COX10: variants seen among roughly 807,000 people sequenced by gnomAD.
COX10 encodes the protein cytochrome c oxidase assembly factor heme A:farnesyltransferase COX10, also known as protoheme IX farnesyltransferase, mitochondrial.
Under a neutral mutation model 37.3 loss-of-function variants are expected in COX10, and 27 were observed. The ratio of observed to expected loss-of-function variants is 0.72; its 90% CI spans 0.53 to 1.00. COX10 has a LOEUF of 1.00. Ranked by LOEUF, COX10 falls within the 50% of genes least tolerant of loss-of-function variation. COX10 has a pLI of 0.00. For synonymous variants in COX10, 222 were observed against 229.1 expected (o/e 0.97, Z 0.28); for missense variants, 475 against 563.2 (o/e 0.84, Z 1.59).
At chr17:14,173,704 A>T (rs1434805753) in intron 5 of COX10, among the ~76,000 whole-genome samples, 1 of 152,224 alleles carries the variant, frequency 6.6e-6, no homozygotes, top group Non-Finnish European at 1.5e-5. Flanking sequence ...GGAGCTCCTG[A>T]CTAGTATATA....
At chr17:14,188,102 C>CTTTTTTT (rs1157321131) in intron 5 of COX10, among the ~76,000 whole-genome samples, 20 of 123,434 alleles carry the variant, frequency 1.6e-4, no homozygotes, top group East Asian at 4.7e-4. Flanking sequence ...CCTTCTTCTT[C>CTTTTTTT]TTTTTTTTTT....
chr17:14,128,884 G>A (rs532780180), intron 4 of COX10, among the ~76,000 whole-genome samples: 9 of 152,238 alleles, frequency 5.9e-5, no homozygotes, highest in African/African-American at 2.2e-4. Context: ...TTGCTCTGTC[G>A]CGCCCAGGCG....
In COX10 at chr17:14,107,139, AGT is replaced by A. The variant is rs536490403; in HGVS notation, c.624+4900_624+4901del. Among the ~76,000 whole-genome samples, 749 of 152,188 alleles carry A rather than the reference AGT, an allele frequency of 4.9e-3. 5 individuals carry two copies. The highest frequency in any genetic ancestry group is 0.017 in the African/African-American group (721 of 41,520). On this transcript the variant is annotated intron_variant, in intron 4 of 6. Transcript: ENST00000261643. ...CCACCCCCACTTGTGACAGCTGAAA[AGT>A]GTCTTCAGACATCACCAAATGGTCC...
At chr17:14,200,961 A>T (rs1435813415) in intron 6 of COX10, among the ~76,000 whole-genome samples, 1 of 152,184 alleles carries the variant, frequency 6.6e-6, no homozygotes, top group Non-Finnish European at 1.5e-5. Context: ...GCACTAAGTA[A>T]CATTCACCAT....
intron 4 of COX10, among the ~76,000 whole-genome samples, chr17:14,108,762 G>A (rs959554244): frequency 2.0e-5 from 3 of 151,988 alleles, no homozygotes; most frequent in Admixed American, 6.6e-5. Context: ...AACTCTGAAA[G>A]GAAAAACAGG....
At chr17:14,080,776 AT>A in intron 3 of COX10, among the ~76,000 whole-genome samples, 1 of 151,390 alleles carries the variant, frequency 6.6e-6, no homozygotes, top group East Asian at 2.0e-4. Flanking sequence ...CATTACAAAT[AT>A]TTTTTCTCAT....
At chr17:14,170,889 A>G (rs1474892667) in intron 5 of COX10, among the ~76,000 whole-genome samples, 1 of 152,228 alleles carries the variant, frequency 6.6e-6, no homozygotes, top group Non-Finnish European at 1.5e-5. Flanking sequence ...CACTAAAATC[A>G]TGTAAATAAA....
At chr17:14,169,040 G>A (rs541129302) in intron 5 of COX10, among the ~76,000 whole-genome samples, 20 of 152,200 alleles carry the variant, frequency 1.3e-4, no homozygotes, top group Admixed American at 3.9e-4. Context: ...CCTTTTAAAC[G>A]TAAGTTCCAA....
chr17:14,111,041 A>G (rs1311220011), intron 4 of COX10, among the ~76,000 whole-genome samples: 2 of 152,128 alleles, frequency 1.3e-5, no homozygotes, highest in Non-Finnish European at 2.9e-5. Context: ...TGTTATACCT[A>G]TGCTTCTTTA....
Position 14,076,900 on chromosome 17 carries a change from G to C in COX10, c.343G>C (p.Glu115Gln), listed in dbSNP as rs762134356. The C allele has an allele frequency of 6.2e-6, 10 of 1,614,120 alleles. No homozygotes were observed. Among genetic ancestry groups the C allele is most frequent in the Non-Finnish European group, 8.5e-6 (10 of 1,180,020 alleles). Residue 115 changes from glutamate (E) to glutamine (Q), a missense_variant, in exon 3 of 7, where the codon GAA (glutamate) becomes CAA (glutamine). Coordinates refer to ENST00000261643, the MANE Select transcript of COX10 (RefSeq NM_001303.4). ...PSLSLSRKPN[E>Q]KELIELEPDS... is the part of the protein sequence containing the mutation. Reference sequence around the variant, plus strand: ...CCTATCTTTGTCCAGAAAGCCAAATGAAAAGGAATTGATAGAACTAGAGCC... The same window carrying C: ...CCTATCTTTGTCCAGAAAGCCAAATCAAAAGGAATTGATAGAACTAGAGCC...
At chr17:14,170,735 T>C (rs909851632) in intron 5 of COX10, among the ~76,000 whole-genome samples, 1 of 152,156 alleles carries the variant, frequency 6.6e-6, no homozygotes, top group African/African-American at 2.4e-5. Flanking sequence ...GAGGATTGCT[T>C]GAGCCCTGGA....
intron 3 of COX10, among the ~76,000 whole-genome samples, chr17:14,100,699 A>T (rs904561794): frequency 6.6e-6 from 1 of 152,222 alleles, no homozygotes; most frequent in Non-Finnish European, 1.5e-5. Context: ...TTTACATTTT[A>T]TATCAGGTAT....
intron 6 of COX10, among the ~76,000 whole-genome samples, chr17:14,204,996 A>G (rs1022673698): frequency 1.3e-5 from 2 of 151,980 alleles, no homozygotes; most frequent in Non-Finnish European, 2.9e-5. Context: ...AGTGCCAGCT[A>G]TTCAGGAGGC....
intron 4 of COX10, among the ~76,000 whole-genome samples, chr17:14,105,661 C>G: frequency 6.6e-6 from 1 of 152,014 alleles, no homozygotes; most frequent in African/African-American, 2.4e-5. Flanking sequence ...CATTGCATAT[C>G]AGTGAGAAAA....
intron 4 of COX10, among the ~76,000 whole-genome samples, chr17:14,156,617 A>G (rs141805919): frequency 6.6e-6 from 1 of 152,156 alleles, no homozygotes; most frequent in African/African-American, 2.4e-5. Flanking sequence ...GTACTCCAGC[A>G]TTTCATCAAA....
chr17:14,128,547 C>A (rs577944205), intron 4 of COX10, among the ~76,000 whole-genome samples: 1 of 152,080 alleles, frequency 6.6e-6, no homozygotes, highest in Non-Finnish European at 1.5e-5. Context: ...GCTTAGGGTG[C>A]AAATTATCCA....
At chr17:14,100,548 A>G (rs148023290) in intron 3 of COX10, among the ~76,000 whole-genome samples, 2 of 152,312 alleles carry the variant, frequency 1.3e-5, no homozygotes, top group Non-Finnish European at 2.9e-5. Context: ...AGCTGTGGAA[A>G]GAGGCAAATG....
intron 4 of COX10, among the ~76,000 whole-genome samples, chr17:14,118,224 T>A (rs554556883): frequency 1.3e-5 from 2 of 152,166 alleles, no homozygotes; most frequent in African/African-American, 4.8e-5. Context: ...ATGCCTGTCC[T>A]CATTTAGGTC....
chr17:14,197,116 C>T (rs1906390058), intron 6 of COX10, among the ~76,000 whole-genome samples: 1 of 152,156 alleles, frequency 6.6e-6, no homozygotes, highest in South Asian at 2.1e-4. Context: ...AATGGAAATC[C>T]TGCAGCCTCA....
Sources: gnomAD v4.1 joint callset for allele counts (sites outside exome capture counted in the v4.1 genomes callset) on GRCh38, gnomAD v4.1.1 for gene constraint, MANE v1.5 for transcripts, NCBI Gene and HGNC (gene_info 2026-07-23, HGNC 2026-07-21) for gene names.